KHDRBS2: variants seen among roughly 807,000 people sequenced by gnomAD.
The protein encoded by KHDRBS2 is KH RNA binding domain containing, signal transduction associated 2.
KHDRBS2 carries 26 observed loss-of-function variants against 44.3 expected under a neutral mutation model. The observed-to-expected ratio is 0.59, with a 90% confidence interval of 0.43 to 0.81. KHDRBS2 has a LOEUF of 0.81. KHDRBS2 is among the 40% of genes least tolerant of loss of function. KHDRBS2 has a pLI of 0.00. For synonymous variants in KHDRBS2, 194 were observed against 151.1 expected (o/e 1.28, Z -2.08); for missense variants, 476 against 433.1 (o/e 1.10, Z -0.88).
At chr6:62,182,866 TAA>T (rs1440570083) in intron 1 of KHDRBS2, among the ~76,000 whole-genome samples, 1 of 151,818 alleles carries the variant, frequency 6.6e-6, no homozygotes, top group Non-Finnish European at 1.5e-5. Context: ...AGTGTCAAGG[TAA>T]AGATTATTTA....
At chr6:62,254,397 A>G (rs1386031595) in intron 1 of KHDRBS2, among the ~76,000 whole-genome samples, 2 of 152,090 alleles carry the variant, frequency 1.3e-5, no homozygotes, top group Admixed American at 1.3e-4. Context: ...TAAGACATTT[A>G]AGTTAGTGAC....
chr6:61,999,349 G>T (rs547285116), intron 3 of KHDRBS2, among the ~76,000 whole-genome samples: 1 of 152,166 alleles, frequency 6.6e-6, no homozygotes, highest in East Asian at 1.9e-4. Flanking sequence ...TTACTGAAAT[G>T]GATATTTATT....
chr6:62,021,415 A>G (rs543588655), intron 3 of KHDRBS2, among the ~76,000 whole-genome samples: 1 of 152,020 alleles, frequency 6.6e-6, no homozygotes, highest in African/African-American at 2.4e-5. Flanking sequence ...TAAAAGTTAA[A>G]AAAATAAAAA....
chr6:62,004,337 C>A (rs1253297491), intron 3 of KHDRBS2, among the ~76,000 whole-genome samples: 1 of 152,130 alleles, frequency 6.6e-6, no homozygotes, highest in Non-Finnish European at 1.5e-5. Context: ...ACCCATCCCA[C>A]AGAAATACAA....
chr6:62,074,440 T>A (rs192751974), intron 2 of KHDRBS2, among the ~76,000 whole-genome samples: 6 of 151,890 alleles, frequency 4.0e-5, no homozygotes, highest in African/African-American at 1.4e-4. Context: ...TTGGTTTTGA[T>A]GGCTTTCCAA....
At chr6:61,762,824 C>T (rs1779471987) in intron 6 of KHDRBS2, among the ~76,000 whole-genome samples, 1 of 152,168 alleles carries the variant, frequency 6.6e-6, no homozygotes, top group Non-Finnish European at 1.5e-5. Flanking sequence ...AAACAGGTTG[C>T]AACAAAGGCT....
chr6:61,587,056 T>C, the KHDRBS2 span, among the ~76,000 whole-genome samples: 1 of 152,164 alleles, frequency 6.6e-6, no homozygotes, highest in African/African-American at 2.4e-5. Context: ...TTTTCAGCAT[T>C]TGATGCTGTC....
intron 1 of KHDRBS2, among the ~76,000 whole-genome samples, chr6:62,240,932 T>C (rs1439040495): frequency 6.6e-6 from 1 of 151,766 alleles, no homozygotes; most frequent in African/African-American, 2.4e-5. Flanking sequence ...GCACAATGTT[T>C]ATGTGCAGTT....
intron 6 of KHDRBS2, among the ~76,000 whole-genome samples, chr6:61,774,696 G>A (rs904365432): frequency 2.0e-5 from 3 of 152,188 alleles, no homozygotes; most frequent in Admixed American, 6.5e-5. Flanking sequence ...ATTCACAGCC[G>A]AATTCTCCCA....
At chr6:61,651,133 A>G in the KHDRBS2 span, among the ~76,000 whole-genome samples, 4 of 152,104 alleles carry the variant, frequency 2.6e-5, no homozygotes, top group African/African-American at 4.8e-5. Flanking sequence ...AGTGTTTCCT[A>G]TGTGCTAGAC....
intron 1 of KHDRBS2, among the ~76,000 whole-genome samples, chr6:62,254,173 T>C (rs1836998161): frequency 6.6e-6 from 1 of 152,090 alleles, no homozygotes; most frequent in African/African-American, 2.4e-5. Flanking sequence ...TTCCTGCATT[T>C]TATATGTCTA....
the KHDRBS2 span, among the ~76,000 whole-genome samples, chr6:61,644,708 G>A: frequency 6.6e-6 from 1 of 152,068 alleles, no homozygotes; most frequent in Non-Finnish European, 1.5e-5. Context: ...ATGAAGAAAA[G>A]CTCAGTATCA....
intron 6 of KHDRBS2, among the ~76,000 whole-genome samples, chr6:61,888,295 T>C (rs1257616938): frequency 6.6e-6 from 1 of 152,160 alleles, no homozygotes; most frequent in Non-Finnish European, 1.5e-5. Context: ...AGGTGACCGA[T>C]TAGTGCTAGA....
At position 61,894,817 on chromosome 6, in the gene KHDRBS2, T is replaced by C. The variant is rs1802633195; in HGVS notation, c.628A>G (p.Ile210Val). 6.2e-7 allele frequency: 1 copy of C among 1,611,666 alleles called. No individual in the cohort carries two copies. Among genetic ancestry groups the C allele is most frequent in the Non-Finnish European group, 8.5e-7 (1 of 1,179,072 alleles). ...TAPSRGRGGA[I>V]PPPPPPGRGV... ...CGTCCAGGTGGTGGGGGAGGAGGAATGGCACCCCCACGGCCCCTAAGAGAA... is the reference window on the plus strand; with the variant it reads ...CGTCCAGGTGGTGGGGGAGGAGGAACGGCACCCCCACGGCCCCTAAGAGAA... The change falls in exon 6 of 9, where the codon ATT becomes GTT. Residue 210 changes from isoleucine (I) to valine (V), a missense_variant. Transcript: ENST00000281156.
rs374843928 is a variant in KHDRBS2, at chr6:62,250,925, T to A, written c.91+34933A>T. Among the ~76,000 whole-genome samples, 336 of 152,002 alleles carry A rather than the reference T, an allele frequency of 2.2e-3. 1 individual carries two copies. The highest frequency in any genetic ancestry group is 7.8e-3 in the African/African-American group (325 of 41,508). ...GAGGCTAAAGAGACTCCTCAATAGA[T>A]CATTTGGTCCCAAGCTGGATGCTGT... On this transcript the variant is annotated intron_variant, in intron 1 of 8. Transcript: ENST00000281156.
intron 2 of KHDRBS2, among the ~76,000 whole-genome samples, chr6:62,094,164 T>C (rs1800080949): frequency 6.6e-6 from 1 of 151,900 alleles, no homozygotes; most frequent in Admixed American, 6.6e-5. Flanking sequence ...CAGTAGTGTG[T>C]AGGGTTTCCT....
At chr6:61,964,624 A>T (rs1365676752) in intron 4 of KHDRBS2, among the ~76,000 whole-genome samples, 2 of 152,088 alleles carry the variant, frequency 1.3e-5, no homozygotes, top group African/African-American at 4.8e-5. Flanking sequence ...TGATTTTTGA[A>T]TTATTTTAAA....
intron 4 of KHDRBS2, among the ~76,000 whole-genome samples, chr6:61,964,356 C>T (rs1055551904): frequency 3.9e-5 from 6 of 151,960 alleles, no homozygotes; most frequent in South Asian, 2.1e-4. Context: ...CACAAGCAAT[C>T]GCATCAGGCA....
intron 3 of KHDRBS2, among the ~76,000 whole-genome samples, chr6:62,024,729 TA>T (rs1387660094): frequency 2.6e-5 from 4 of 151,684 alleles, no homozygotes; most frequent in Non-Finnish European, 5.9e-5. Flanking sequence ...ATCTGGGCTC[TA>T]AAAAATTGCC....
Sources: allele counts gnomAD v4.1 joint callset (sites outside exome capture counted in the v4.1 genomes callset), GRCh38; gene constraint gnomAD v4.1.1; transcripts MANE v1.5; gene names NCBI Gene and HGNC (gene_info 2026-07-23, HGNC 2026-07-21).